Variants in MAD1L1 observed in about 807,000 individuals in gnomAD.
The protein encoded by MAD1L1 is mitotic arrest deficient 1 like 1.
MAD1L1 carries 95 observed loss-of-function variants against 96.9 expected under a neutral mutation model. That is an observed-to-expected ratio of 0.98 (90% CI 0.83 to 1.16). The LOEUF (loss-of-function observed/expected upper bound fraction) is 1.16. Ranked by LOEUF, MAD1L1 falls within the 50% of genes most tolerant of loss-of-function variation. The probability of loss-of-function intolerance (pLI) is 0.00; values close to 1 mark genes in which losing one functional copy is unlikely to be tolerated. For missense variants in MAD1L1, 1,007 were observed against 954.4 expected (o/e 1.06, Z -0.73); for synonymous variants, 473 against 396.6 (o/e 1.19, Z -2.29).
At chr7:2,038,568 G>C (rs897677351) in intron 12 of MAD1L1, among the ~76,000 whole-genome samples, 1 of 139,808 alleles carries the variant, frequency 7.2e-6, no homozygotes, top group African/African-American at 2.7e-5. Context: ...GCTGGAGCAC[G>C]GTGGCACAAT....
intron 10 of MAD1L1, among the ~76,000 whole-genome samples, chr7:2,191,483 C>A (rs1432748112): frequency 6.6e-6 from 1 of 152,172 alleles, no homozygotes; most frequent in Non-Finnish European, 1.5e-5. Flanking sequence ...GTAATCCCAC[C>A]ATTTTGGGAG....
chr7:2,165,894 C>T (rs1039210524), intron 10 of MAD1L1, among the ~76,000 whole-genome samples: 17 of 152,152 alleles, frequency 1.1e-4, no homozygotes, highest in Non-Finnish European at 2.4e-4. Context: ...GGTCTGTGTA[C>T]GCAGAATGAC....
At chr7:2,104,444 G>A (rs1424651826) in intron 11 of MAD1L1, among the ~76,000 whole-genome samples, 1 of 152,224 alleles carries the variant, frequency 6.6e-6, no homozygotes, top group Non-Finnish European at 1.5e-5. Context: ...TCCCTGACCC[G>A]CATGTCAAAC....
At chr7:2,203,683 C>A (rs1245291174) in intron 10 of MAD1L1, among the ~76,000 whole-genome samples, 1 of 152,194 alleles carries the variant, frequency 6.6e-6, no homozygotes, top group East Asian at 1.9e-4. Context: ...AAAAAACTGT[C>A]AAAAACTGAG....
At chr7:2,230,911 T>A (rs909321416) in intron 1 of MAD1L1, 184 bp from the exon 2 acceptor site, 2 of 152,266 alleles carry the variant, frequency 1.3e-5, no homozygotes, top group Non-Finnish European at 2.9e-5. Flanking sequence ...GGAAACACCC[T>A]CAACAGGCAC....
Position 2,167,375 on chromosome 7 carries a change from G to A in MAD1L1, c.987-18137C>T, listed in dbSNP as rs185447044. 5.9e-4 allele frequency among the ~76,000 whole-genome samples: 90 copies of A among 151,660 alleles called. 1 individual carries two copies. The East Asian group carries it at 0.012, about 21-fold the overall frequency. On this transcript the variant is annotated intron_variant, in intron 10 of 18. Coordinates refer to ENST00000265854, the MANE Select transcript of MAD1L1 (RefSeq NM_001013836.2). ...ATCCTGGCTAACACGGTGAAACCCC[G>A]TCTCTACTAAAAATACAAAAAAAAT...
At chr7:1,890,570 C>T (rs1786474566) in intron 18 of MAD1L1, among the ~76,000 whole-genome samples, 1 of 152,218 alleles carries the variant, frequency 6.6e-6, no homozygotes, top group Non-Finnish European at 1.5e-5. Context: ...CTAGAAACCA[C>T]CCAGTCTCAG....
intron 14 of MAD1L1, among the ~76,000 whole-genome samples, chr7:1,986,570 A>ACTCCGCGGCTCCCTCGC (rs1781161250): frequency 9.2e-6 from 1 of 109,252 alleles, no homozygotes; most frequent in Non-Finnish European, 2.2e-5. Flanking sequence ...TCCCTCATGG[A>ACTCCGCGGCTCCCTCGC]GCTGCCTCCA....
intron 10 of MAD1L1, among the ~76,000 whole-genome samples, chr7:2,191,613 C>T (rs1040294649): frequency 1.3e-5 from 2 of 151,800 alleles, no homozygotes; most frequent in African/African-American, 4.8e-5. Context: ...TGTCTGTAGT[C>T]CCACCTGCTC....
At chr7:1,955,243 C>T (rs1779672847) in intron 16 of MAD1L1, among the ~76,000 whole-genome samples, 1 of 152,234 alleles carries the variant, frequency 6.6e-6, no homozygotes, top group East Asian at 1.9e-4. Context: ...TTGAAGGCTT[C>T]TCCAGAGGGA....
intron 11 of MAD1L1, among the ~76,000 whole-genome samples, chr7:2,113,219 G>C (rs563391217): frequency 6.6e-6 from 1 of 152,334 alleles, no homozygotes; most frequent in East Asian, 1.9e-4. Flanking sequence ...ACCGCCCTGG[G>C]GCCATGGTGA....
chr7:1,853,167 C>T (rs539335759), intron 18 of MAD1L1, among the ~76,000 whole-genome samples: 2 of 152,302 alleles, frequency 1.3e-5, no homozygotes, highest in East Asian at 3.9e-4. Context: ...GGCCCTGATG[C>T]GGAAGGGACT....
chr7:1,835,392 TATC>T (rs1322706707), intron 18 of MAD1L1, among the ~76,000 whole-genome samples: 3 of 152,178 alleles, frequency 2.0e-5, no homozygotes, highest in African/African-American at 7.2e-5. Flanking sequence ...TTACAGATAA[TATC>T]ATTGTCTAAG....
At chr7:2,059,863 G>A (rs558025526) in intron 12 of MAD1L1, among the ~76,000 whole-genome samples, 1 of 152,126 alleles carries the variant, frequency 6.6e-6, no homozygotes. Flanking sequence ...ATACATAGAA[G>A]ATCAAAGTCC....
chr7:2,022,944 A>G (rs1294409267), intron 12 of MAD1L1, among the ~76,000 whole-genome samples: 3 of 152,238 alleles, frequency 2.0e-5, no homozygotes, highest in Non-Finnish European at 4.4e-5. Context: ...GGAATGAAAA[A>G]TGGCACTCCA....
chr7:1,976,128 T>C (rs540304856), intron 15 of MAD1L1, among the ~76,000 whole-genome samples: 3 of 152,230 alleles, frequency 2.0e-5, no homozygotes, highest in East Asian at 3.9e-4. Context: ...GATGTGAAAA[T>C]GTGAGTGTGC....
At chr7:1,881,078 C>A (rs1046225069) in intron 18 of MAD1L1, among the ~76,000 whole-genome samples, 3 of 152,194 alleles carry the variant, frequency 2.0e-5, no homozygotes, top group African/African-American at 7.2e-5. Context: ...ACAGGAACTG[C>A]TCCATTACAT....
chr7:1,827,929 C>G (rs910146504), intron 18 of MAD1L1, among the ~76,000 whole-genome samples: 1 of 152,214 alleles, frequency 6.6e-6, no homozygotes, highest in African/African-American at 2.4e-5. Flanking sequence ...GAGGCCCATG[C>G]TGCTGGCAGT....
intron 12 of MAD1L1, among the ~76,000 whole-genome samples, chr7:2,056,160 C>G (rs1421523860): frequency 1.3e-5 from 2 of 152,198 alleles, no homozygotes; most frequent in Non-Finnish European, 2.9e-5. Flanking sequence ...GACACAAACC[C>G]CTGGAGGGTC....
Sources: gnomAD v4.1 joint callset for allele counts (sites outside exome capture counted in the v4.1 genomes callset) on GRCh38, gnomAD v4.1.1 for gene constraint, MANE v1.5 for transcripts, NCBI Gene and HGNC (gene_info 2026-07-23, HGNC 2026-07-21) for gene names.